The following PITPNC1 variants were observed in gnomAD, a reference collection of about 807,000 sequenced individuals.
PITPNC1 encodes the protein cytoplasmic phosphatidylinositol transfer protein 1.
PITPNC1 carries 18 observed loss-of-function variants against 44.7 expected under a neutral mutation model. The ratio of observed to expected loss-of-function variants is 0.40; its 90% confidence interval spans 0.28 to 0.60. The LOEUF is 0.60. Among genes scored for constraint, PITPNC1 ranks in the 20% least tolerant of loss-of-function variants. PITPNC1 has a pLI of 0.39. For synonymous variants in PITPNC1, 141 were observed against 149.6 expected (o/e 0.94, Z 0.42); for missense variants, 290 against 418.4 (o/e 0.69, Z 2.68).
At chr17:67,556,369 A>G (rs1239510757) in intron 4 of PITPNC1, among the ~76,000 whole-genome samples, 5 of 152,300 alleles carry the variant, frequency 3.3e-5, no homozygotes, top group South Asian at 2.1e-4. Flanking sequence ...GTAACTTTGA[A>G]TTTTCAGATA....
chr17:67,548,876 A>G (rs925384940), intron 2 of PITPNC1, among the ~76,000 whole-genome samples: 4 of 152,142 alleles, frequency 2.6e-5, no homozygotes, highest in Admixed American at 6.5e-5. Flanking sequence ...TTGGAATTGT[A>G]GGCTGTGTGA....
In PITPNC1 at chr17:67,695,820, C is replaced by A. The variant is rs2043001931; in HGVS notation, c.*2932C>A. 1 of 152,096 alleles carries A rather than the reference C, an allele frequency of 6.6e-6. No homozygotes were observed. 9.4% of individuals were successfully genotyped at this position (152,096 alleles called of 1,614,324 possible). Reference sequence around the variant, plus strand: ...ATTTCAAATGTGAAGTGCCCCTGTGCATTTTCTTGGCCATAGCACGGCATT... The same window carrying A: ...ATTTCAAATGTGAAGTGCCCCTGTGAATTTTCTTGGCCATAGCACGGCATT... On this transcript the variant is annotated 3_prime_UTR_variant, in exon 9 of 9. Coordinates refer to ENST00000581322, the MANE Select transcript of PITPNC1 (RefSeq NM_012417.4).
intron 1 of PITPNC1, among the ~76,000 whole-genome samples, chr17:67,422,832 G>A (rs1028454977): frequency 3.3e-5 from 5 of 152,112 alleles, no homozygotes; most frequent in Non-Finnish European, 5.9e-5. Flanking sequence ...GAGCTACCAC[G>A]CCGGTCTAGC....
At position 67,508,962 on chromosome 17, in the gene PITPNC1, G is replaced by A. The variant is rs981969479; in HGVS notation, c.49-23840G>A. On this transcript the variant is annotated intron_variant, in intron 1 of 8. Coordinates refer to ENST00000581322, the MANE Select transcript of PITPNC1 (RefSeq NM_012417.4). This position sits in a 1 kb window ranked among gnomAD's most constrained non-coding sequence, Gnocchi z 4.2. Reference sequence around the variant, plus strand: ...TTAAAAATAAAAACAGGCCGGGCTTGGTGGCTCACGTCTGTAATCCCAGCA... The same window carrying A: ...TTAAAAATAAAAACAGGCCGGGCTTAGTGGCTCACGTCTGTAATCCCAGCA... 6.6e-6 allele frequency among the ~76,000 whole-genome samples: 1 copy of A among 152,184 alleles called. No homozygotes were observed. The highest frequency in any genetic ancestry group is 2.4e-5 in the African/African-American group (1 of 41,440).
At chr17:67,678,505 C>T (rs2042644814) in intron 8 of PITPNC1, among the ~76,000 whole-genome samples, 1 of 152,228 alleles carries the variant, frequency 6.6e-6, no homozygotes, top group South Asian at 2.1e-4. Flanking sequence ...ATAGCCCCAG[C>T]CAAAACAAGC....
intron 1 of PITPNC1, among the ~76,000 whole-genome samples, chr17:67,435,123 A>AAG (rs2038919705): frequency 6.6e-6 from 1 of 151,518 alleles, no homozygotes; most frequent in Non-Finnish European, 1.5e-5. Flanking sequence ...AAAAAAAAAA[A>AAG]AAAAAAAGAA....
At chr17:67,448,469 G>A (rs2039131288) in intron 1 of PITPNC1, among the ~76,000 whole-genome samples, 1 of 152,142 alleles carries the variant, frequency 6.6e-6, no homozygotes, top group African/African-American at 2.4e-5. Context: ...TCGCTGGCAT[G>A]TAGCTGCAGC....
chr17:67,507,395 A>T (rs901254478), intron 1 of PITPNC1, among the ~76,000 whole-genome samples: 1 of 151,964 alleles, frequency 6.6e-6, no homozygotes, highest in African/African-American at 2.4e-5. Flanking sequence ...TGAGATTTAG[A>T]TCTGTCTGGG....
At chr17:67,576,108 C>G (rs1440720384) in intron 4 of PITPNC1, among the ~76,000 whole-genome samples, 5 of 152,028 alleles carry the variant, frequency 3.3e-5, no homozygotes, top group Non-Finnish European at 7.4e-5. Flanking sequence ...AACCCCTGAC[C>G]TCAGGTGATA....
intron 1 of PITPNC1, among the ~76,000 whole-genome samples, chr17:67,417,340 G>A (rs1246892771): frequency 6.6e-6 from 1 of 151,610 alleles, no homozygotes; most frequent in East Asian, 1.9e-4. Flanking sequence ...TGTTTGCCCA[G>A]GCTGGTCTCG....
intron 6 of PITPNC1, among the ~76,000 whole-genome samples, chr17:67,649,974 G>C (rs1329857831): frequency 6.6e-6 from 1 of 152,054 alleles, no homozygotes; most frequent in African/African-American, 2.4e-5. Flanking sequence ...GTGTGTTTAA[G>C]CGTTTATGGA....
chr17:67,683,377 A>G (rs2042749632), intron 8 of PITPNC1, among the ~76,000 whole-genome samples: 1 of 152,170 alleles, frequency 6.6e-6, no homozygotes, highest in Non-Finnish European at 1.5e-5. Context: ...GAGGTCATAT[A>G]TGTTGCAAAA....
Position 67,669,492 on chromosome 17 carries a change from ATT to A in PITPNC1, c.463-6_463-5del, listed in dbSNP as rs36013607. 929 of 1,325,788 alleles carry A rather than the reference ATT, an allele frequency of 7.0e-4. 3 individuals are homozygous for A. Among genetic ancestry groups the A allele is most frequent in the Admixed American group, 8.5e-4 (35 of 41,242 alleles). 82.1% of individuals were successfully genotyped at this position (1,325,788 alleles called of 1,614,324 possible). On this transcript the variant is annotated splice_polypyrimidine_tract_variant and intron_variant, in intron 6 of 8. Transcript: ENST00000581322. ...AACTTTTAATATATCAATTTCTTTG[ATT>A]TTTTTTTTTCTAGGATCCTAAGCAC...
intron 1 of PITPNC1, among the ~76,000 whole-genome samples, chr17:67,401,083 C>T (rs908949487): frequency 1.6e-4 from 24 of 152,082 alleles, no homozygotes; most frequent in African/African-American, 5.8e-4. Context: ...TACAAGCATG[C>T]ACCACCACAC....
chr17:67,506,904 T>G (rs532044780), intron 1 of PITPNC1, among the ~76,000 whole-genome samples: 1 of 152,334 alleles, frequency 6.6e-6, no homozygotes, highest in South Asian at 2.1e-4. Context: ...GAAGAATATG[T>G]ACCCAAATGT....
At position 67,693,627 on chromosome 17, in the gene PITPNC1, G is replaced by T. The variant is rs187817861; in HGVS notation, c.*739G>T. On this transcript the variant is annotated 3_prime_UTR_variant, in exon 9 of 9. Transcript: ENST00000581322. ...CTGATTTTGGAATGGTTCAGTTTAG[G>T]AACCAAGAGGCCCAGGTGAGGCAAC... The T allele has an allele frequency of 5.3e-3, 811 of 152,480 alleles. 3 individuals carry two copies. Among genetic ancestry groups the T allele is most frequent in the Non-Finnish European group, 6.2e-3 (423 of 68,026 alleles). The allele number at this position is 152,480 out of a possible 1,614,324, so 9.4% of individuals were successfully genotyped here.
intron 2 of PITPNC1, among the ~76,000 whole-genome samples, chr17:67,536,950 C>T (rs2040538836): frequency 6.6e-6 from 1 of 152,126 alleles, no homozygotes; most frequent in Admixed American, 6.5e-5. Flanking sequence ...ATAGTGCCTA[C>T]CAAGTGAACC....
chr17:67,558,191 C>T (rs573842381), intron 4 of PITPNC1, among the ~76,000 whole-genome samples: 1 of 152,108 alleles, frequency 6.6e-6, no homozygotes, highest in South Asian at 2.1e-4. Context: ...GACATAAGAG[C>T]TTTTTCATCA....
chr17:67,593,553 C>G (rs999314759), intron 5 of PITPNC1, among the ~76,000 whole-genome samples: 3 of 152,104 alleles, frequency 2.0e-5, no homozygotes, highest in Non-Finnish European at 4.4e-5. Context: ...TGCATGCCAC[C>G]ACACTATGCT....
Sources: gnomAD v4.1 joint callset for allele counts (sites outside exome capture counted in the v4.1 genomes callset) on GRCh38, gnomAD v4.1.1 for gene constraint, Gnocchi (gnomAD v3.1) non-coding constraint, MANE v1.5 for transcripts, NCBI Gene and HGNC (gene_info 2026-07-23, HGNC 2026-07-21) for gene names.